Variants in OSBPL1A observed in about 807,000 individuals in gnomAD.
OSBPL1A encodes the protein oxysterol-binding protein-related protein 1.
Under a neutral mutation model 137.1 loss-of-function variants are expected in OSBPL1A, and 80 were observed. The ratio of observed to expected loss-of-function variants is 0.58; its 90% CI spans 0.49 to 0.70. The LOEUF is 0.70. OSBPL1A is among the 30% of genes least tolerant of loss of function. OSBPL1A has a pLI of 0.00. For missense variants in OSBPL1A, 970 were observed against 1,129.4 expected, an observed-to-expected ratio of 0.86 and a Z score of 2.02; for synonymous variants, 365 against 389.7, an observed-to-expected ratio of 0.94 and a Z score of 0.75.
chr18:24,179,512 G>GT (rs1445255148), intron 20 of OSBPL1A, among the ~76,000 whole-genome samples: 1 of 151,524 alleles, frequency 6.6e-6, no homozygotes, highest in East Asian at 1.9e-4. Flanking sequence ...TTAATCCCAT[G>GT]TGATCAGGAA....
chr18:24,353,445 T>C (rs1206162350), intron 4 of OSBPL1A, among the ~76,000 whole-genome samples: 1 of 151,810 alleles, frequency 6.6e-6, no homozygotes, highest in African/African-American at 2.4e-5. Context: ...TGTGGAGAAA[T>C]AGGAACACTT....
At chr18:24,322,092 A>C (rs906500071) in intron 7 of OSBPL1A, among the ~76,000 whole-genome samples, 12 of 148,850 alleles carry the variant, frequency 8.1e-5, no homozygotes, top group Non-Finnish European at 1.8e-4. Context: ...TTTAACATAG[A>C]GAGAAATATG....
rs1168186002 is a variant in OSBPL1A, at chr18:24,172,465, T to C, written c.2112A>G (p.Thr704=). The C allele has an allele frequency of 1.2e-6, 2 of 1,613,606 alleles. No individual in the cohort carries two copies. The highest frequency in any genetic ancestry group is 2.2e-5 in the East Asian group (1 of 44,888). ...LELLEHNEAY[T]WTNPTCCVHN... The stretch of plus-strand genomic sequence containing the variant: ...GCACACAGCAGGTGGGATTTGTCCA[T>C]GTATATGCCTCATTGTGTCTAAAAA... The change falls in exon 22 of 28, where the codon ACA becomes ACG. Residue 704 remains threonine, a synonymous_variant. Transcript: ENST00000319481.
intron 21 of OSBPL1A, among the ~76,000 whole-genome samples, chr18:24,175,108 GTATATA>G (rs71163664): frequency 0.018 from 1,957 of 111,390 alleles, 43 homozygotes; most frequent in East Asian, 0.038. Flanking sequence ...CCATGTGTAT[GTATATA>G]TATATATATA....
rs780945998 is a variant in OSBPL1A at position 24,314,287 on chromosome 18, A to C, written c.931T>G (p.Phe311Val). 1 of 1,611,824 alleles carries C rather than the reference A, an allele frequency of 6.2e-7. No homozygotes were observed. The highest frequency in any genetic ancestry group is 8.5e-7 in the Non-Finnish European group (1 of 1,179,284). ...IKCFDDTIHG[F>V]RVPKNSLQQS... is the part of the protein sequence containing the mutation. ...TGAAGGCTATTCTTAGGAACCCGGA[A>C]GCCATGAATGGTGTCATCAAAGCAT... is the stretch of plus-strand genomic sequence containing the variant. Residue 311 changes from phenylalanine (F) to valine (V), a missense_variant, in exon 12 of 28, where the codon TTC (phenylalanine) becomes GTC (valine). By Grantham distance (50) the Phe-to-Val change is conservative (BLOSUM62 -1). Transcript: ENST00000319481.
At chr18:24,346,572 C>T (rs1446649963) in intron 4 of OSBPL1A, among the ~76,000 whole-genome samples, 1 of 152,110 alleles carries the variant, frequency 6.6e-6, no homozygotes, top group African/African-American at 2.4e-5. Flanking sequence ...CAATATGTGG[C>T]TTTTTGTGTC....
intron 15 of OSBPL1A, among the ~76,000 whole-genome samples, chr18:24,247,517 A>C (rs1054818474): frequency 6.6e-6 from 1 of 152,150 alleles, no homozygotes; most frequent in African/African-American, 2.4e-5. Flanking sequence ...CCAGGCTAGA[A>C]GGCAGTGTGA....
At chr18:24,302,997 G>GA (rs2090432120) in intron 14 of OSBPL1A, among the ~76,000 whole-genome samples, 2 of 151,854 alleles carry the variant, frequency 1.3e-5, no homozygotes, top group African/African-American at 4.8e-5. Context: ...GTGTGTGTGG[G>GA]TGTGTCTGTG....
chr18:24,293,766 T>C (rs1378159924), intron 14 of OSBPL1A, among the ~76,000 whole-genome samples: 2 of 152,204 alleles, frequency 1.3e-5, no homozygotes, highest in Admixed American at 1.3e-4. Flanking sequence ...TGCAGGTCAT[T>C]AGAATGACTC....
chr18:24,236,743 C>G (rs1291573145), intron 16 of OSBPL1A, among the ~76,000 whole-genome samples: 1 of 152,190 alleles, frequency 6.6e-6, no homozygotes, highest in African/African-American at 2.4e-5. Flanking sequence ...GTTCTCAACA[C>G]AGCAATCCAC....
At chr18:24,169,025 C>T (rs1394104356) in intron 24 of OSBPL1A, among the ~76,000 whole-genome samples, 1 of 152,170 alleles carries the variant, frequency 6.6e-6, no homozygotes, top group Non-Finnish European at 1.5e-5. Context: ...TGCCGGGGGT[C>T]CCAGAATCCT....
intron 16 of OSBPL1A, among the ~76,000 whole-genome samples, chr18:24,233,633 TTCTC>T (rs1272236674): frequency 6.6e-6 from 1 of 152,002 alleles, no homozygotes; most frequent in Non-Finnish European, 1.5e-5. Flanking sequence ...CTTTCTTTCT[TTCTC>T]TCTTTCTCTC....
rs1048085597 is a variant in OSBPL1A at position 24,368,271 on chromosome 18, A to G, written c.207+16T>C. On this transcript the variant is annotated intron_variant, in intron 3 of 27. Coordinates refer to ENST00000319481, the MANE Select transcript of OSBPL1A (RefSeq NM_080597.4). ...ATATTTACTGTAGTCATTAAAAATT[A>G]AAGTCATAAATAGACCTTCAACAGA... The G allele has an allele frequency of 6.3e-7, 1 of 1,575,100 alleles. No individual in the cohort carries two copies. The highest frequency in any genetic ancestry group is 1.4e-5 in the African/African-American group (1 of 73,712).
At chr18:24,168,368 G>A (rs1394466418) in intron 24 of OSBPL1A, among the ~76,000 whole-genome samples, 3 of 152,152 alleles carry the variant, frequency 2.0e-5, no homozygotes, top group African/African-American at 7.2e-5. Flanking sequence ...TACATTCTTG[G>A]GGAAGTCAAC....
intron 1 of OSBPL1A, 51 bp downstream of exon 1, chr18:24,397,604 G>C (rs1907851274): frequency 6.6e-6 from 1 of 152,280 alleles, no homozygotes; most frequent in Non-Finnish European, 1.5e-5. Context: ...GAACCCGTCA[G>C]CGCGGGAACC....
At chr18:24,224,202 C>CT (rs201364884) in intron 17 of OSBPL1A, among the ~76,000 whole-genome samples, 19 of 151,538 alleles carry the variant, frequency 1.3e-4, no homozygotes, top group African/African-American at 3.1e-4. Flanking sequence ...GTGATGCACA[C>CT]TTTTTTTTTC....
At chr18:24,227,820 C>T (rs777986833) in intron 16 of OSBPL1A, among the ~76,000 whole-genome samples, 2 of 151,998 alleles carry the variant, frequency 1.3e-5, no homozygotes, top group Non-Finnish European at 2.9e-5. Context: ...AAAATAATTT[C>T]GTCTGTACTG....
intron 6 of OSBPL1A, 45 bp downstream of exon 6, chr18:24,334,200 A>G (rs1211916969): frequency 6.5e-7 from 1 of 1,526,856 alleles, no homozygotes; most frequent in Non-Finnish European, 8.9e-7. Flanking sequence ...TGAAGTGTAA[A>G]GAAAGACTGC....
chr18:24,166,527 T>C (rs2086148735), intron 26 of OSBPL1A, 52 bp downstream of exon 26: 5 of 1,569,446 alleles, frequency 3.2e-6, no homozygotes, highest in Non-Finnish European at 4.3e-6. Flanking sequence ...AAACAAAGCA[T>C]CATCCCCCGA....
Sources: gnomAD v4.1 joint callset for allele counts (sites outside exome capture counted in the v4.1 genomes callset) on GRCh38, gnomAD v4.1.1 for gene constraint, MANE v1.5 for transcripts, NCBI Gene and HGNC (gene_info 2026-07-23, HGNC 2026-07-21) for gene names.